The following TUSC3 variants were observed in gnomAD, a reference collection of about 807,000 sequenced individuals.
TUSC3 encodes dolichyl-diphosphooligosaccharide--protein glycosyltransferase subunit TUSC3.
In TUSC3, 45 loss-of-function variants were observed where a neutral mutation model predicts 44.8. The ratio of observed to expected loss-of-function variants is 1.00; its 90% CI spans 0.79 to 1.29. TUSC3 has a LOEUF of 1.29. TUSC3 is among the 50% of genes most tolerant of loss of function. TUSC3 has a pLI of 0.00. For missense variants in TUSC3, 519 were observed against 437.9 expected, an observed-to-expected ratio of 1.19 and a Z score of -1.65; for synonymous variants, 212 against 152.9, an observed-to-expected ratio of 1.39 and a Z score of -2.85.
chr8:15,449,277 T>C (rs974652252), intron 1 of TUSC3, among the ~76,000 whole-genome samples: 1 of 152,216 alleles, frequency 6.6e-6, no homozygotes, highest in African/African-American at 2.4e-5. Context: ...AATGGGCACA[T>C]GTGCAATTAA....
intron 2 of TUSC3, among the ~76,000 whole-genome samples, chr8:15,624,800 T>G (rs1805416922): frequency 6.6e-6 from 1 of 152,188 alleles, no homozygotes; most frequent in African/African-American, 2.4e-5. Context: ...TTGATGAAGT[T>G]CAGTTTATTA....
chr8:15,768,933 C>T (rs1443033752), downstream of TUSC3, among the ~76,000 whole-genome samples: 5 of 151,828 alleles, frequency 3.3e-5, no homozygotes, highest in Admixed American at 6.6e-5. Context: ...TAAGAGAGGA[C>T]ACAAATGGAA....
chr8:15,743,648 TTA>T (rs1232070860), intron 8 of TUSC3, 36 bp downstream of exon 8: 47 of 1,608,636 alleles, frequency 2.9e-5, no homozygotes, highest in Non-Finnish European at 3.7e-5. Context: ...TAATTTCGTT[TTA>T]GTCTTAAGAT....
At chr8:15,627,198 G>T (rs767515909) in intron 2 of TUSC3, among the ~76,000 whole-genome samples, 4 of 152,170 alleles carry the variant, frequency 2.6e-5, no homozygotes, top group Non-Finnish European at 4.4e-5. Context: ...TGAGAGCTGA[G>T]GAGACAATGG....
intron 1 of TUSC3, among the ~76,000 whole-genome samples, chr8:15,549,496 G>C (rs914795717): frequency 6.6e-6 from 1 of 151,564 alleles, no homozygotes; most frequent in Non-Finnish European, 1.5e-5. Flanking sequence ...ATTTTTTTGT[G>C]TGTGCCTATA....
intron 1 of TUSC3, among the ~76,000 whole-genome samples, chr8:15,592,603 A>G (rs575640079): frequency 6.6e-6 from 1 of 152,292 alleles, no homozygotes; most frequent in Non-Finnish European, 1.5e-5. Context: ...GTCTTCTATC[A>G]TGATTGTGAG....
the TUSC3 span, among the ~76,000 whole-genome samples, chr8:15,773,334 C>G: frequency 1.3e-5 from 2 of 151,932 alleles, no homozygotes; most frequent in Non-Finnish European, 2.9e-5. Flanking sequence ...AATGAAGAGT[C>G]TGAAAAAGGA....
chr8:15,458,503 T>C (rs756141027), intron 1 of TUSC3, among the ~76,000 whole-genome samples: 2 of 152,190 alleles, frequency 1.3e-5, no homozygotes, highest in Non-Finnish European at 2.9e-5. Context: ...CCTCCCAAAG[T>C]GCTGGCCATA....
the TUSC3 span, among the ~76,000 whole-genome samples, chr8:15,772,520 A>AT: frequency 6.6e-6 from 1 of 152,360 alleles, no homozygotes; most frequent in South Asian, 2.1e-4. Context: ...TGAACTGGTT[A>AT]TTAAAAACCT....
intron 1 of TUSC3, among the ~76,000 whole-genome samples, chr8:15,429,727 C>G (rs1399300095): frequency 1.3e-5 from 2 of 151,400 alleles, no homozygotes; most frequent in African/African-American, 4.9e-5. Flanking sequence ...ATTTTATTCT[C>G]TTTGAAGGAA....
chr8:15,562,134 T>C (rs923177478), intron 1 of TUSC3, among the ~76,000 whole-genome samples: 1 of 152,146 alleles, frequency 6.6e-6, no homozygotes, highest in Non-Finnish European at 1.5e-5. Context: ...ATCTTGGAGA[T>C]AAGAACTTCC....
chr8:15,614,978 C>T lies in TUSC3; in HGVS notation c.139-8102C>T, dbSNP rs148642199. 8.2e-3 allele frequency among the ~76,000 whole-genome samples: 1,215 copies of T among 147,996 alleles called. 17 individuals carry two copies. Among genetic ancestry groups the T allele is most frequent in the African/African-American group, 0.028 (1,117 of 40,514 alleles). On this transcript the variant is annotated intron_variant, in intron 1 of 10. Transcript: ENST00000503731. Reference sequence around the variant, plus strand: ...CCACCCCAAAATTCGGAAAAGGACGCGTAGTAAAGGGAACTCTTGTACACT... The same window carrying T: ...CCACCCCAAAATTCGGAAAAGGACGTGTAGTAAAGGGAACTCTTGTACACT...
intron 1 of TUSC3, among the ~76,000 whole-genome samples, chr8:15,552,396 G>A (rs1203654572): frequency 6.6e-6 from 1 of 151,686 alleles, no homozygotes; most frequent in Non-Finnish European, 1.5e-5. Context: ...ATATCCTACT[G>A]CTCATAGTTC....
At chr8:15,710,669 T>C (rs1251107595) in intron 6 of TUSC3, among the ~76,000 whole-genome samples, 1 of 151,720 alleles carries the variant, frequency 6.6e-6, no homozygotes, top group African/African-American at 2.4e-5. Flanking sequence ...GACCTAGAAA[T>C]GCACCTTTGT....
chr8:15,690,308 C>G (rs149402584), intron 6 of TUSC3, among the ~76,000 whole-genome samples: 55 of 150,052 alleles, frequency 3.7e-4, no homozygotes, highest in African/African-American at 1.3e-3. Flanking sequence ...TGTATGTCTG[C>G]TTTTGAAAAG....
intron 9 of TUSC3, among the ~76,000 whole-genome samples, chr8:15,754,513 G>A (rs1330224519): frequency 6.6e-6 from 1 of 152,056 alleles, no homozygotes; most frequent in Non-Finnish European, 1.5e-5. Context: ...GATCATACCT[G>A]TACTTGGGAT....
At position 15,687,737 on chromosome 8, in the gene TUSC3, C is replaced by CT. The variant is rs986522499; in HGVS notation, c.798+13903dup. Among the ~76,000 whole-genome samples the CT allele has an allele frequency of 9.1e-4, 139 of 152,292 alleles. 1 individual carries two copies. Among genetic ancestry groups the CT allele is most frequent in the African/African-American group, 3.2e-3 (132 of 41,552 alleles). ...TGTACCCTTACTTCATGACAAAGCA[C>CT]TTCACACGTGGCAGATACTAAATAA... On this transcript the variant is annotated intron_variant, in intron 6 of 10. Coordinates refer to ENST00000503731, the MANE Select transcript of TUSC3 (RefSeq NM_006765.4).
At chr8:15,781,708 C>T in the TUSC3 span, among the ~76,000 whole-genome samples, 1 of 152,158 alleles carries the variant, frequency 6.6e-6, no homozygotes, top group Non-Finnish European at 1.5e-5. Flanking sequence ...CTGGTGAATT[C>T]CATGAAACGT....
At chr8:15,483,742 G>A (rs1025133472) in intron 2 of TUSC3, among the ~76,000 whole-genome samples, 11 of 136,756 alleles carry the variant, frequency 8.0e-5, no homozygotes, top group East Asian at 4.8e-4. Context: ...TGCAAACTCC[G>A]CCTCCCGAGT....
Sources: gnomAD v4.1 joint callset for allele counts (sites outside exome capture counted in the v4.1 genomes callset) on GRCh38, gnomAD v4.1.1 for gene constraint, MANE v1.5 for transcripts, NCBI Gene and HGNC (gene_info 2026-07-23, HGNC 2026-07-21) for gene names.